Variants in KLHL3 observed in about 807,000 individuals in gnomAD.
KLHL3 encodes the protein kelch-like protein 3.
In KLHL3, 19 loss-of-function variants were observed where a neutral mutation model predicts 70.5. That is an observed-to-expected ratio of 0.27 (90% CI 0.19 to 0.40). The LOEUF (loss-of-function observed/expected upper bound fraction) is 0.40. KLHL3 is among the 10% of genes least tolerant of loss of function. KLHL3 has a pLI of 1.00. For synonymous variants in KLHL3, 258 were observed against 290.3 expected (o/e 0.89, Z 1.13); for missense variants, 512 against 771.1 (o/e 0.66, Z 3.98).
At position 137,688,167 on chromosome 5, in the gene KLHL3, AAAAATAAAATAAAAT is replaced by A. The variant is rs201162792; in HGVS notation, c.526+4103_526+4117del. The stretch of plus-strand genomic sequence containing the variant: ...AAACACCCAAGAATGATCAATAAAA[AAAAATAAAATAAAAT>A]AAAATAAAATAAAATAAAATATTAC... On this transcript the variant is annotated intron_variant, in intron 5 of 14. Coordinates refer to ENST00000309755, the MANE Select transcript of KLHL3 (RefSeq NM_017415.3). 1.3e-4 allele frequency among the ~76,000 whole-genome samples: 19 copies of A among 144,422 alleles called. 6 individuals carry two copies. Among genetic ancestry groups the A allele is most frequent in the Non-Finnish European group, 1.5e-4 (10 of 66,564 alleles). The allele number at this position is 144,422 out of a possible 152,430, so 94.7% of individuals were successfully genotyped here.
intron 1 of KLHL3, among the ~76,000 whole-genome samples, chr5:137,722,030 C>A (rs1214327773): frequency 2.6e-5 from 4 of 152,158 alleles, no homozygotes. Flanking sequence ...GAAAACAGAA[C>A]CTTCTCCACT....
intron 8 of KLHL3, among the ~76,000 whole-genome samples, chr5:137,654,948 G>C (rs1751301477): frequency 6.6e-6 from 1 of 152,054 alleles, no homozygotes; most frequent in Admixed American, 6.6e-5. Context: ...GGCACAAACT[G>C]GGCTTTAATT....
At chr5:137,662,898 T>C (rs1042549750) in intron 6 of KLHL3, among the ~76,000 whole-genome samples, 1 of 152,052 alleles carries the variant, frequency 6.6e-6, no homozygotes, top group Non-Finnish European at 1.5e-5. Flanking sequence ...CTCACATCAG[T>C]GTAAGAGAAC....
chr5:137,693,784 G>A (rs1005272859), intron 4 of KLHL3, among the ~76,000 whole-genome samples: 1 of 152,130 alleles, frequency 6.6e-6, no homozygotes, highest in African/African-American at 2.4e-5. Context: ...GCTGTTCCCA[G>A]CCACAAGGGC....
chr5:137,622,666 A>G (rs1437834457), intron 14 of KLHL3, among the ~76,000 whole-genome samples: 2 of 152,176 alleles, frequency 1.3e-5, no homozygotes, highest in Non-Finnish European at 2.9e-5. Flanking sequence ...TTCCCACACA[A>G]ATGTCATCTA....
At chr5:137,663,624 T>C (rs928960450) in intron 6 of KLHL3, among the ~76,000 whole-genome samples, 1 of 152,168 alleles carries the variant, frequency 6.6e-6, no homozygotes, top group Non-Finnish European at 1.5e-5. Flanking sequence ...GATGTAGTAC[T>C]TGGTGTTGCA....
chr5:137,637,324 G>A lies in KLHL3; in HGVS notation c.1291C>T (p.Arg431Trp), dbSNP rs769995865. The A allele has an allele frequency of 4.3e-6, 7 of 1,614,008 alleles. No homozygotes were observed. The highest frequency in any genetic ancestry group is 1.3e-5 in the African/African-American group (1 of 75,042). ...ACAACGCCCACACCCACACTGCTCC[G>A]CCGCGTGTTCATCGGGGCCACAAAG... is the stretch of plus-strand genomic sequence containing the variant. ...WFFVAPMNTR[R>W]SSVGVGVVEG... Residue 431 changes from arginine (R) to tryptophan (W), a missense_variant, in exon 11 of 15, where the codon CGG becomes TGG. Coordinates refer to ENST00000309755, the MANE Select transcript of KLHL3 (RefSeq NM_017415.3).
intron 2 of KLHL3, among the ~76,000 whole-genome samples, chr5:137,716,719 T>G (rs1389502126): frequency 6.6e-6 from 1 of 152,214 alleles, no homozygotes; most frequent in African/African-American, 2.4e-5. Context: ...AACCCCTTAC[T>G]GCGCAATCTC....
intron 2 of KLHL3, among the ~76,000 whole-genome samples, chr5:137,711,614 C>T (rs148391042): frequency 0.011 from 1,650 of 152,242 alleles, 15 homozygotes; most frequent in Non-Finnish European, 0.017. Flanking sequence ...ACCTTAATCA[C>T]CAACTGTATC....
intron 8 of KLHL3, chr5:137,647,745 A>G: frequency 2.6e-6 from 1 of 380,270 alleles, no homozygotes; most frequent in Non-Finnish European, 5.5e-6. Flanking sequence ...AAGTACTGAT[A>G]GCAAGGTGCA....
chr5:137,637,675 G>C (rs900085696), intron 10 of KLHL3, among the ~76,000 whole-genome samples: 1 of 152,218 alleles, frequency 6.6e-6, no homozygotes, highest in African/African-American at 2.4e-5. Flanking sequence ...AAAAACCGCA[G>C]AGTGGGATAC....
At chr5:137,720,661 T>G in intron 1 of KLHL3, 77 bp from the exon 2 acceptor site, 1 of 1,596,356 alleles carries the variant, frequency 6.3e-7, no homozygotes, top group Non-Finnish European at 8.5e-7. Flanking sequence ...CAAAAGCCCA[T>G]GCATTTACCC....
chr5:137,617,940 T>C lies in KLHL3; in HGVS notation c.*4158A>G, dbSNP rs1161697834. ...TAACCAAACATGGCACTAGGGTGAT[T>C]TGATGCTGCAAATGCCACAGTCCTG... On this transcript the variant is annotated 3_prime_UTR_variant, in exon 15 of 15. Transcript: ENST00000309755. The C allele has an allele frequency of 6.6e-6, 1 of 152,512 alleles. No homozygotes were observed. Among genetic ancestry groups the C allele is most frequent in the Non-Finnish European group, 1.5e-5 (1 of 68,024 alleles). 9.4% of individuals were successfully genotyped at this position (152,512 alleles called of 1,614,324 possible). A position where few individuals can be genotyped will look rare whatever the true frequency, so the allele number is the denominator to read the frequency against.
intron 6 of KLHL3, among the ~76,000 whole-genome samples, chr5:137,663,056 C>CTTTTT (rs139890036): frequency 4.6e-4 from 36 of 77,910 alleles, no homozygotes; most frequent in Admixed American, 8.2e-4. Context: ...AGCACTCGTT[C>CTTTTT]TTTTTTTTTT....
At chr5:137,634,241 G>A in intron 11 of KLHL3, 76 bp from the exon 12 acceptor site, 1 of 1,483,048 alleles carries the variant, frequency 6.7e-7, no homozygotes, top group Non-Finnish European at 9.0e-7. Context: ...AACCCTATCT[G>A]CAACCAACTG....
intron 2 of KLHL3, among the ~76,000 whole-genome samples, chr5:137,716,378 A>G (rs1752893693): frequency 6.6e-6 from 1 of 151,056 alleles, no homozygotes; most frequent in Admixed American, 6.6e-5. Flanking sequence ...TTGTTTGTTC[A>G]TTTGTTTGTT....
chr5:137,628,134 TC>T, intron 13 of KLHL3, 162 bp downstream of exon 13: 1 of 792,984 alleles, frequency 1.3e-6, no homozygotes, highest in Middle Eastern at 3.6e-4. Flanking sequence ...TCTCAATTTC[TC>T]CCCTCCTCTA....
rs183139162 is a variant in KLHL3 at position 137,669,352 on chromosome 5, G to A, written c.637-7321C>T. On this transcript the variant is annotated intron_variant, in intron 6 of 14. Transcript: ENST00000309755. ...CCAATGTCTCTCCTGTGACTAATACGCTACCTGCCACACAGAGAAATATTT... is the reference window on the plus strand; with the variant it reads ...CCAATGTCTCTCCTGTGACTAATACACTACCTGCCACACAGAGAAATATTT... 3.7e-4 allele frequency among the ~76,000 whole-genome samples: 57 copies of A among 152,098 alleles called. 1 individual carries two copies. The highest frequency in any genetic ancestry group is 1.3e-3 in the African/African-American group (56 of 41,494).
In KLHL3 at chr5:137,621,943, G is replaced by A. The variant is rs745422800; in HGVS notation, c.*155C>T. The A allele has an allele frequency of 1.9e-4, 148 of 792,902 alleles. No homozygotes were observed. Among genetic ancestry groups the A allele is most frequent in the Non-Finnish European group, 2.8e-4 (126 of 454,820 alleles). The allele number at this position is 792,902 out of a possible 1,614,324, so 49.1% of individuals were successfully genotyped here. ...GGGTGGGTAATGGTGTCCACACTGCGATGAACAACACCAGTCTGCCAAGTC... is the reference window on the plus strand; with the variant it reads ...GGGTGGGTAATGGTGTCCACACTGCAATGAACAACACCAGTCTGCCAAGTC... On this transcript the variant is annotated 3_prime_UTR_variant, in exon 15 of 15. Coordinates refer to ENST00000309755, the MANE Select transcript of KLHL3 (RefSeq NM_017415.3).
Sources: gnomAD v4.1 joint callset for allele counts (sites outside exome capture counted in the v4.1 genomes callset) on GRCh38, gnomAD v4.1.1 for gene constraint, MANE v1.5 for transcripts, NCBI Gene and HGNC (gene_info 2026-07-23, HGNC 2026-07-21) for gene names.